GPD2: variants seen among roughly 807,000 people sequenced by gnomAD.
GPD2 encodes the protein glycerol-3-phosphate dehydrogenase, mitochondrial.
Under a neutral mutation model 82.4 loss-of-function variants are expected in GPD2, and 54 were observed. The observed-to-expected ratio is 0.66, with a 90% CI of 0.53 to 0.82. The LOEUF (loss-of-function observed/expected upper bound fraction) is 0.82, where lower values mean the gene tolerates loss of function less well. GPD2 is among the 40% of genes least tolerant of loss of function. The pLI, the probability that GPD2 is intolerant of heterozygous loss-of-function variation, is 0.00. For synonymous variants in GPD2, 288 were observed against 306.1 expected, an observed-to-expected ratio of 0.94 and a Z score of 0.62; for missense variants, 748 against 896.2, an observed-to-expected ratio of 0.83 and a Z score of 2.11.
intron 2 of GPD2, 86 bp from the exon 3 acceptor site, chr2:156,495,958 A>T (rs903017056): frequency 5.2e-6 from 5 of 962,652 alleles, no homozygotes; most frequent in Non-Finnish European, 3.3e-6. Flanking sequence ...CCTTATTTCT[A>T]TTAGAAATTT....
At chr2:156,506,648 C>G (rs1684794124) in intron 3 of GPD2, among the ~76,000 whole-genome samples, 1 of 152,018 alleles carries the variant, frequency 6.6e-6, no homozygotes, top group Non-Finnish European at 1.5e-5. Flanking sequence ...TTTATATCAC[C>G]CTTCAATACC....
intron 6 of GPD2, among the ~76,000 whole-genome samples, chr2:156,515,542 C>G (rs1214171929): frequency 1.3e-5 from 2 of 152,064 alleles, no homozygotes; most frequent in African/African-American, 2.4e-5. Context: ...CAAGGGAAAC[C>G]TTTGTTACAC....
At chr2:156,520,589 T>G (rs1685367133) in intron 6 of GPD2, among the ~76,000 whole-genome samples, 1 of 150,062 alleles carries the variant, frequency 6.7e-6, no homozygotes, top group South Asian at 2.1e-4. Flanking sequence ...ATTTATTTAT[T>G]TATTTATTTA....
intron 9 of GPD2, among the ~76,000 whole-genome samples, chr2:156,558,662 A>G (rs1183365899): frequency 6.7e-6 from 1 of 149,234 alleles, no homozygotes; most frequent in Non-Finnish European, 1.5e-5. Context: ...CAATGGTGTG[A>G]TCTCAGCTCA....
intron 6 of GPD2, among the ~76,000 whole-genome samples, chr2:156,545,062 C>T (rs545784592): frequency 1.4e-4 from 21 of 152,242 alleles, no homozygotes; most frequent in African/African-American, 4.8e-4. Context: ...AAAATAATCC[C>T]CTTATGTGCA....
At chr2:156,470,171 A>G (rs2105190871) in intron 1 of GPD2, among the ~76,000 whole-genome samples, 1 of 151,822 alleles carries the variant, frequency 6.6e-6, no homozygotes. Context: ...TGACAAATGT[A>G]TTTGCATGGA....
At position 156,510,824 on chromosome 2, in the gene GPD2, T is replaced by G. The variant is rs764546939; in HGVS notation, c.303T>G (p.Asp101Glu). 9.9e-6 allele frequency: 16 copies of G among 1,613,064 alleles called. No homozygotes were observed. In the Admixed American group the frequency reaches 2.5e-4, roughly 25 times the overall value. Reference sequence around the variant, plus strand: ...TAAAAACAGCCCTTGTAGAAAGAGATGATTTCTCATCAGGGACCAGCAGCA... The same window carrying G: ...TAAAAACAGCCCTTGTAGAAAGAGAGGATTTCTCATCAGGGACCAGCAGCA... ...RGLKTALVER[D>E]DFSSGTSSRS... Residue 101 changes from aspartate to glutamate, a missense_variant, in exon 4 of 17, where the codon GAT (aspartate) becomes GAG (glutamate). Transcript: ENST00000438166.
chr2:156,500,572 A>C (rs1446090969), intron 3 of GPD2, among the ~76,000 whole-genome samples: 1 of 152,200 alleles, frequency 6.6e-6, no homozygotes, highest in Non-Finnish European at 1.5e-5. Context: ...AAAATAAATT[A>C]CTGTGATCTT....
At chr2:156,504,058 C>A (rs962481396) in intron 3 of GPD2, among the ~76,000 whole-genome samples, 1 of 152,000 alleles carries the variant, frequency 6.6e-6, no homozygotes, top group African/African-American at 2.4e-5. Context: ...ATGATGTGTT[C>A]TAACAACATC....
chr2:156,450,665 C>CTTT (rs776070659), intron 1 of GPD2, among the ~76,000 whole-genome samples: 34,403 of 71,402 alleles, frequency 0.48, 8,181 homozygotes, highest in Non-Finnish European at 0.62. Flanking sequence ...ATAGACAACT[C>CTTT]TTTTTTTTTT....
chr2:156,503,748 TAA>T lies in GPD2; in HGVS notation c.275-7045_275-7044del, dbSNP rs540825558. On this transcript the variant is annotated intron_variant, in intron 3 of 16. Coordinates refer to ENST00000438166, the MANE Select transcript of GPD2 (RefSeq NM_000408.5). ...TTAGTAAGCATAAAAAAGTTTCTGA[TAA>T]AATATATAAGACAGTTTTAATAGTT... 4.2e-3 allele frequency among the ~76,000 whole-genome samples: 643 copies of T among 152,292 alleles called. 1 individual carries two copies. The highest frequency in any genetic ancestry group is 0.015 in the African/African-American group (609 of 41,576).
chr2:156,474,864 C>T (rs996859908), intron 1 of GPD2, among the ~76,000 whole-genome samples: 3 of 151,150 alleles, frequency 2.0e-5, no homozygotes, highest in African/African-American at 7.3e-5. Context: ...GTTTGTAATC[C>T]TAGCACTTTG....
rs776064101 is a variant in GPD2, at chr2:156,458,390, G to A, written c.-8-17708G>A. Reference sequence around the variant, plus strand: ...TTGATTTGTTGTTGGGATTTCCAGTGTTGCATTAAAACTGCAAATCCCCGA... The same window carrying A: ...TTGATTTGTTGTTGGGATTTCCAGTATTGCATTAAAACTGCAAATCCCCGA... On this transcript the variant is annotated intron_variant, in intron 1 of 16. Coordinates refer to ENST00000438166, the MANE Select transcript of GPD2 (RefSeq NM_000408.5). 8.5e-5 allele frequency among the ~76,000 whole-genome samples: 13 copies of A among 152,332 alleles called. No individual in the cohort carries two copies. The South Asian group carries it at 2.3e-3, about 27-fold the overall frequency.
At chr2:156,575,835 G>A (rs954892572) in intron 13 of GPD2, among the ~76,000 whole-genome samples, 1 of 152,132 alleles carries the variant, frequency 6.6e-6, no homozygotes, top group Admixed American at 6.5e-5. Context: ...TGACAGTGTT[G>A]GCCTCAGAAG....
intron 3 of GPD2, among the ~76,000 whole-genome samples, chr2:156,497,081 G>A (rs925612768): frequency 6.6e-6 from 1 of 152,142 alleles, no homozygotes; most frequent in African/African-American, 2.4e-5. Context: ...TGTTTGTTTT[G>A]GCTGTGGGTA....
intron 2 of GPD2, among the ~76,000 whole-genome samples, chr2:156,494,007 A>T (rs1684280324): frequency 6.6e-6 from 1 of 151,560 alleles, no homozygotes; most frequent in Non-Finnish European, 1.5e-5. Flanking sequence ...TAATTGAAAT[A>T]TGTTAATGTT....
At chr2:156,559,735 T>C (rs1214113366) in intron 9 of GPD2, among the ~76,000 whole-genome samples, 1 of 152,210 alleles carries the variant, frequency 6.6e-6, no homozygotes, top group Non-Finnish European at 1.5e-5. Context: ...ATACATATCA[T>C]TGAAATCCAT....
In GPD2 at chr2:156,550,720, C is replaced by T. The variant is rs748112565; in HGVS notation, c.945C>T (p.Val315=). The T allele has an allele frequency of 4.3e-6, 7 of 1,613,628 alleles. No individual in the cohort carries two copies. Among genetic ancestry groups the T allele is most frequent in the Admixed American group, 1.7e-5 (1 of 59,994 alleles). The change falls in exon 8 of 17, where the codon GTC becomes GTT. Residue 315 remains valine, a synonymous_variant. Coordinates refer to ENST00000438166, the MANE Select transcript of GPD2 (RefSeq NM_000408.5). ...CTATCTGCCAGCCAAGTGCTGGTGT[C>T]CATATTGTGATGCCTGGTTATTACA... The part of the protein sequence containing the change: ...AAAICQPSAG[V]HIVMPGYYSP...
At chr2:156,499,330 T>C (rs1684501729) in intron 3 of GPD2, among the ~76,000 whole-genome samples, 1 of 152,138 alleles carries the variant, frequency 6.6e-6, no homozygotes, top group Non-Finnish European at 1.5e-5. Flanking sequence ...GAAAGTCACA[T>C]AGAATCTGGA....
Sources: gnomAD v4.1 joint callset for allele counts (sites outside exome capture counted in the v4.1 genomes callset) on GRCh38, gnomAD v4.1.1 for gene constraint, MANE v1.5 for transcripts, NCBI Gene and HGNC (gene_info 2026-07-23, HGNC 2026-07-21) for gene names.